CADM2: variants seen among roughly 807,000 people sequenced by gnomAD.
CADM2 encodes the protein cell adhesion molecule 2, also known as immunoglobulin superfamily member 4D.
A neutral mutation model predicts 49.8 loss-of-function variants in CADM2; 12 were observed. The ratio of observed to expected loss-of-function variants is 0.24; its 90% CI spans 0.15 to 0.39. The LOEUF (loss-of-function observed/expected upper bound fraction) is 0.39, where lower values mean the gene tolerates loss of function less well. Among genes scored for constraint, CADM2 ranks in the 10% least tolerant of loss-of-function variants. The pLI is 1.00. For synonymous variants in CADM2, 214 were observed against 175.4 expected (o/e 1.22, Z -1.74); for missense variants, 378 against 492.3 (o/e 0.77, Z 2.20).
intron 1 of CADM2, among the ~76,000 whole-genome samples, chr3:85,568,461 TTC>T (rs370465976): frequency 0.042 from 625 of 14,990 alleles, 29 homozygotes; most frequent in East Asian, 0.097. Context: ...CTTTCTTTCT[TTC>T]TCTTTCTCTC....
chr3:85,161,443 A>T (rs552856044), intron 1 of CADM2, among the ~76,000 whole-genome samples: 2 of 152,184 alleles, frequency 1.3e-5, no homozygotes, highest in South Asian at 4.1e-4. Context: ...TGGGATCCCC[A>T]CTTATGAAGC....
intron 1 of CADM2, among the ~76,000 whole-genome samples, chr3:85,558,011 C>T (rs1449370): frequency 0.51 from 77,434 of 151,488 alleles, 22,826 homozygotes; most frequent in East Asian, 0.85. Context: ...GACACAACTT[C>T]CAGGTAATTC....
intron 1 of CADM2, among the ~76,000 whole-genome samples, chr3:85,575,444 G>A (rs554365922): frequency 9.8e-5 from 15 of 152,288 alleles, no homozygotes; most frequent in Middle Eastern, 6.8e-3. Flanking sequence ...CCAGCTACAC[G>A]GGAAGCTGAG....
At chr3:85,952,724 T>A (rs1723590438) in intron 7 of CADM2, among the ~76,000 whole-genome samples, 1 of 151,010 alleles carries the variant, frequency 6.6e-6, no homozygotes, top group South Asian at 2.1e-4. Context: ...TCAGAAAAGT[T>A]GTATTTACTT....
intron 1 of CADM2, among the ~76,000 whole-genome samples, chr3:85,587,002 G>T (rs2062962694): frequency 1.3e-5 from 2 of 152,058 alleles, no homozygotes; most frequent in African/African-American, 2.4e-5. Context: ...AGAAGAAATA[G>T]TAGATGGGAT....
intron 1 of CADM2, among the ~76,000 whole-genome samples, chr3:85,116,471 A>C (rs992703472): frequency 6.6e-6 from 1 of 152,196 alleles, no homozygotes; most frequent in African/African-American, 2.4e-5. Flanking sequence ...CTGAGTTATC[A>C]AAGGTAAGTT....
chr3:85,452,222 T>C (rs1288546046), intron 1 of CADM2, among the ~76,000 whole-genome samples: 1 of 152,282 alleles, frequency 6.6e-6, no homozygotes, highest in South Asian at 2.1e-4. Context: ...ATCCCAACTC[T>C]TGAGGCATTT....
rs140340167 is a variant in CADM2 at position 85,860,677 on chromosome 3, C to T, written c.239-22614C>T. On this transcript the variant is annotated intron_variant, in intron 3 of 9. Transcript: ENST00000383699. ...GGTCTATTAGGGCATGAATTCCATTCACGAAAGCTCTGATCTTATGACTGA... is the reference window on the plus strand; with the variant it reads ...GGTCTATTAGGGCATGAATTCCATTTACGAAAGCTCTGATCTTATGACTGA... Among the ~76,000 whole-genome samples the T allele has an allele frequency of 1.2e-4, 18 of 152,228 alleles. No individual in the cohort carries two copies. The East Asian group carries it at 3.5e-3, about 29-fold the overall frequency.
intron 2 of CADM2, among the ~76,000 whole-genome samples, chr3:85,749,661 G>A (rs886984972): frequency 2.0e-5 from 3 of 152,014 alleles, no homozygotes; most frequent in African/African-American, 7.2e-5. Flanking sequence ...GTGTGACTGT[G>A]CATAGAGAGG....
intron 1 of CADM2, among the ~76,000 whole-genome samples, chr3:85,711,586 C>A (rs1037401013): frequency 6.6e-6 from 1 of 152,074 alleles, no homozygotes; most frequent in African/African-American, 2.4e-5. Context: ...GGTTTATTAT[C>A]TTTTCCAATT....
chr3:85,083,405 A>G (rs1414308279), intron 1 of CADM2, among the ~76,000 whole-genome samples: 2 of 152,160 alleles, frequency 1.3e-5, no homozygotes, highest in Non-Finnish European at 2.9e-5. Flanking sequence ...AACAAAGTTT[A>G]CCTTTTCTTC....
intron 1 of CADM2, among the ~76,000 whole-genome samples, chr3:85,675,862 G>A (rs191361016): frequency 6.1e-4 from 93 of 152,298 alleles, no homozygotes; most frequent in African/African-American, 2.1e-3. Context: ...TATGTGTGGA[G>A]TGAGAGACAG....
intron 2 of CADM2, among the ~76,000 whole-genome samples, chr3:85,779,648 G>A (rs1196621514): frequency 6.6e-6 from 1 of 152,122 alleles, no homozygotes; most frequent in African/African-American, 2.4e-5. Context: ...CTCCCACCAG[G>A]TTCATCCCAC....
intron 1 of CADM2, among the ~76,000 whole-genome samples, chr3:85,378,582 C>A (rs1215874089): frequency 6.6e-6 from 1 of 152,004 alleles, no homozygotes; most frequent in East Asian, 1.9e-4. Context: ...ATGCCTGCTA[C>A]AAAGTAGTAG....
chr3:85,188,397 T>A (rs2041116608), intron 1 of CADM2, among the ~76,000 whole-genome samples: 1 of 152,142 alleles, frequency 6.6e-6, no homozygotes, highest in South Asian at 2.1e-4. Flanking sequence ...CCCATGTAGG[T>A]ACTCAAAAAG....
At chr3:85,892,811 G>T (rs1419670763) in intron 5 of CADM2, among the ~76,000 whole-genome samples, 2 of 152,200 alleles carry the variant, frequency 1.3e-5, no homozygotes, top group African/African-American at 2.4e-5. Context: ...CAGGCAGAAA[G>T]ATAGGGACAG....
At chr3:85,265,457 A>G (rs990961950) in intron 1 of CADM2, among the ~76,000 whole-genome samples, 7 of 151,974 alleles carry the variant, frequency 4.6e-5, no homozygotes, top group African/African-American at 9.7e-5. Flanking sequence ...GTGTTATTCT[A>G]TGGTGGAAAG....
intron 1 of CADM2, among the ~76,000 whole-genome samples, chr3:85,634,682 C>CAT (rs2064407924): frequency 1.3e-5 from 2 of 151,962 alleles, no homozygotes; most frequent in Non-Finnish European, 2.9e-5. Flanking sequence ...TGCAATTTTA[C>CAT]ATATATATGT....
At chr3:85,603,339 T>G (rs894018695) in intron 1 of CADM2, among the ~76,000 whole-genome samples, 1 of 151,962 alleles carries the variant, frequency 6.6e-6, no homozygotes, top group African/African-American at 2.4e-5. Flanking sequence ...TGTTTTGAGT[T>G]ACCAGTTTAA....
Sources: gnomAD v4.1 joint callset for allele counts (sites outside exome capture counted in the v4.1 genomes callset) on GRCh38, gnomAD v4.1.1 for gene constraint, MANE v1.5 for transcripts, NCBI Gene and HGNC (gene_info 2026-07-23, HGNC 2026-07-21) for gene names.